CYLC1: variants seen among roughly 807,000 people sequenced by gnomAD.
CYLC1 encodes cylicin-1.
A neutral mutation model predicts 31.6 loss-of-function variants in CYLC1; 2 were observed. The observed-to-expected ratio is 0.06, with a 90% CI of 0.03 to 0.20. CYLC1 has a LOEUF of 0.20. CYLC1 is among the 10% of genes least tolerant of loss of function. CYLC1 has a pLI of 1.00. For missense variants in CYLC1, 595 were observed against 424.1 expected (o/e 1.40, Z -3.54); for synonymous variants, 185 against 153.0 (o/e 1.21, Z -1.54).
intron 1 of CYLC1, among the ~76,000 whole-genome samples, chrX:83,862,476 G>A (rs2147775105): frequency 9.0e-6 from 1 of 111,146 alleles, no homozygotes; most frequent in Admixed American, 9.5e-5. Context: ...CTGGGGGGCG[G>A]AGCTTGCAGT....
intron 4 of CYLC1, among the ~76,000 whole-genome samples, chrX:83,886,111 T>A (rs1443684327): frequency 9.0e-6 from 1 of 111,551 alleles, no homozygotes; most frequent in South Asian, 3.6e-4. Flanking sequence ...TGTGGTGTAA[T>A]TTGGGGTGAA....
chrX:83,874,684 CTT>C (rs36091839), intron 4 of CYLC1, 53 bp downstream of exon 4: 1 of 1,069,944 alleles, frequency 9.3e-7, no homozygotes, highest in African/African-American at 1.9e-5. Context: ...AAATGAAAGA[CTT>C]TTTAAAGTTT....
intron 4 of CYLC1, among the ~76,000 whole-genome samples, chrX:83,877,367 G>C (rs2031781252): frequency 9.0e-6 from 1 of 111,114 alleles, no homozygotes; most frequent in Non-Finnish European, 1.9e-5. Context: ...TCCAGCCTTG[G>C]CTTCCCAAAG....
At chrX:83,876,851 G>C (rs1394146188) in intron 4 of CYLC1, among the ~76,000 whole-genome samples, 1 of 110,191 alleles carries the variant, frequency 9.1e-6, no homozygotes, top group African/African-American at 3.3e-5. Flanking sequence ...CTTTGTCCTG[G>C]ACACTCTTTA....
At chrX:83,886,410 A>AT in intron 4 of CYLC1, 142 bp from the exon 5 acceptor site, 2 of 534,432 alleles carry the variant, frequency 3.7e-6, no homozygotes, top group Non-Finnish European at 5.9e-6. Context: ...TTTTAATAAG[A>AT]AATAATAAAA....
intron 4 of CYLC1, among the ~76,000 whole-genome samples, chrX:83,875,513 A>G (rs1041871577): frequency 9.0e-6 from 1 of 111,719 alleles, no homozygotes; most frequent in East Asian, 2.8e-4. Context: ...AGCAAGTCAC[A>G]TCTTACTTGG....
intron 1 of CYLC1, chrX:83,864,625 G>T (rs2031566864): frequency 4.0e-6 from 1 of 247,099 alleles, no homozygotes; most frequent in South Asian, 4.3e-5. Context: ...CAAAAGGAGA[G>T]TTGGCAAAAT....
chrX:83,877,648 T>C (rs1029048893), intron 4 of CYLC1, among the ~76,000 whole-genome samples: 8 of 106,978 alleles, frequency 7.5e-5, no homozygotes, highest in African/African-American at 2.7e-4. Flanking sequence ...TTTCATTATT[T>C]AGTTTTTCAG....
chrX:83,886,285 A>T (rs760000446), intron 4 of CYLC1, among the ~76,000 whole-genome samples: 14 of 111,011 alleles, frequency 1.3e-4, no homozygotes, highest in African/African-American at 4.6e-4. Flanking sequence ...AGTACTTCTC[A>T]CTCTTTAGTG....
intron 4 of CYLC1, among the ~76,000 whole-genome samples, chrX:83,884,665 T>C (rs1415665798): frequency 9.0e-6 from 1 of 111,604 alleles, no homozygotes; most frequent in Non-Finnish European, 1.9e-5. Context: ...AATTATAAAA[T>C]AGGTGGGAGG....
Position 83,873,500 on chromosome X carries a change from G to C in CYLC1, c.792G>C (p.Trp264Cys), listed in dbSNP as rs753445496. 2 of 1,192,303 alleles carry C rather than the reference G, an allele frequency of 1.7e-6. No homozygotes were observed. The highest frequency in any genetic ancestry group is 5.9e-5 in the East Asian group (2 of 33,656). The change falls in exon 4 of 5, where the codon TGG becomes TGC. Residue 264 changes from tryptophan (W) to cysteine (C), a missense_variant. Coordinates refer to ENST00000329312, the MANE Select transcript of CYLC1 (RefSeq NM_021118.3). The stretch of plus-strand genomic sequence containing the variant: ...ATGAATCCATAAATTTTGATGCATG[G>C]TTAAGGAATTACTCACAGAATAATT... ...SDDESINFDA[W>C]LRNYSQNNSK...
Position 83,873,395 on chromosome X carries a change from T to G in CYLC1, c.687T>G (p.Thr229=). Residue 229 remains threonine, a synonymous_variant, in exon 4 of 5, where the codon ACT becomes ACG. Coordinates refer to ENST00000329312, the MANE Select transcript of CYLC1 (RefSeq NM_021118.3). ...AGAAAGATTTGAAGAGGTCAAAGACTAGTAATGATCCCATATCAGAGATTT... is the reference window on the plus strand; with the variant it reads ...AGAAAGATTTGAAGAGGTCAAAGACGAGTAATGATCCCATATCAGAGATTT... ...NPKKDLKRSK[T]SNDPISEICS... is the part of the protein sequence containing the mutation. 1 of 1,204,473 alleles carries G rather than the reference T, an allele frequency of 8.3e-7. No individual in the cohort carries two copies. The highest frequency in any genetic ancestry group is 1.1e-6 in the Non-Finnish European group (1 of 890,908).
In CYLC1 at chrX:83,871,549, G is replaced by A. The variant is rs770520850; in HGVS notation, c.156G>A (p.Leu52=). 12 of 1,189,521 alleles carry A rather than the reference G, an allele frequency of 1.0e-5. No individual in the cohort carries two copies. The highest frequency in any genetic ancestry group is 5.6e-6 in the Non-Finnish European group (5 of 885,796). ...QRGTNDKSRP[L]KSQITVTRHD... The stretch of plus-strand genomic sequence containing the variant: ...GTACAAATGATAAATCAAGACCTTT[G>A]AAATCACAAATAACAGTTACTGTAA... The change falls in exon 3 of 5, where the codon TTG becomes TTA. Residue 52 remains leucine, a synonymous_variant. Transcript: ENST00000329312.
chrX:83,881,483 A>T (rs1229140310), intron 4 of CYLC1, among the ~76,000 whole-genome samples: 2 of 109,119 alleles, frequency 1.8e-5, no homozygotes, highest in Non-Finnish European at 3.8e-5. Flanking sequence ...TGCCCATAAC[A>T]GTGATGGACT....
At chrX:83,875,749 A>G (rs1318314295) in intron 4 of CYLC1, among the ~76,000 whole-genome samples, 1 of 111,153 alleles carries the variant, frequency 9.0e-6, no homozygotes, top group Non-Finnish European at 1.9e-5. Flanking sequence ...TCCCTATTCT[A>G]CATGTTTCCT....
At chrX:83,883,511 G>A (rs990356137) in intron 4 of CYLC1, among the ~76,000 whole-genome samples, 2 of 111,412 alleles carry the variant, frequency 1.8e-5, no homozygotes, top group African/African-American at 6.5e-5. Flanking sequence ...TTCACCTAGG[G>A]AATAAAAATT....
chrX:83,886,436 C>A, intron 4 of CYLC1, 116 bp from the exon 5 acceptor site: 1 of 662,624 alleles, frequency 1.5e-6, no homozygotes, highest in Non-Finnish European at 2.3e-6. Context: ...ATCCAAGTTC[C>A]CTTTCAACTA....
chrX:83,867,965 G>T (rs1469746515), intron 1 of CYLC1, among the ~76,000 whole-genome samples: 1 of 110,907 alleles, frequency 9.0e-6, no homozygotes, highest in Non-Finnish European at 1.9e-5. Flanking sequence ...CTAAGTTTGA[G>T]GATTAAATTC....
chrX:83,878,870 T>C (rs1165618472), intron 4 of CYLC1, among the ~76,000 whole-genome samples: 1 of 105,384 alleles, frequency 9.5e-6, no homozygotes, highest in Non-Finnish European at 1.9e-5. Flanking sequence ...TTTTTTTTAA[T>C]ATGGGCTTGA....
Sources: allele counts gnomAD v4.1 joint callset (sites outside exome capture counted in the v4.1 genomes callset), GRCh38; gene constraint gnomAD v4.1.1; transcripts MANE v1.5; gene names NCBI Gene and HGNC (gene_info 2026-07-23, HGNC 2026-07-21).